The following MFSD1 variants were observed in gnomAD, a reference collection of about 807,000 sequenced individuals.
MFSD1 encodes the protein lysosomal dipeptide transporter MFSD1.
In MFSD1, 59 loss-of-function variants were observed where a neutral mutation model predicts 67.1. The ratio of observed to expected loss-of-function variants is 0.88; its 90% confidence interval spans 0.71 to 1.09. MFSD1 has a LOEUF of 1.09. Among genes scored for constraint, MFSD1 ranks in the 50% least tolerant of loss-of-function variants. The probability of loss-of-function intolerance (pLI) is 0.00; values close to 1 mark genes in which losing one functional copy is unlikely to be tolerated. For synonymous variants in MFSD1, 213 were observed against 200.3 expected, an observed-to-expected ratio of 1.06 and a Z score of -0.54; for missense variants, 552 against 566.1, an observed-to-expected ratio of 0.97 and a Z score of 0.25.
rs546261922 is a variant in MFSD1, at chr3:158,824,305, G to A, written c.1288+69G>A. 1.7e-5 allele frequency: 19 copies of A among 1,118,308 alleles called. 1 individual carries two copies. In the South Asian group the frequency reaches 2.5e-4, roughly 15 times the overall value. 69.3% of individuals were successfully genotyped at this position (1,118,308 alleles called of 1,614,324 possible). A position where few individuals can be genotyped will look rare whatever the true frequency, so the allele number is the denominator to read the frequency against. On this transcript the variant is annotated intron_variant, in intron 13 of 15. Coordinates refer to ENST00000415822, the MANE Select transcript of MFSD1 (RefSeq NM_022736.4). ...ACAGAATGTTCTTATTTTTACTTAG[G>A]CATAGCTCCCAGATTTGCCTAATTC...
At chr3:158,817,173 C>T (rs187030984) in intron 7 of MFSD1, among the ~76,000 whole-genome samples, 2,112 of 152,252 alleles carry the variant, frequency 0.014, 58 homozygotes, top group African/African-American at 0.048. Context: ...GAAGCATTCC[C>T]TTTGAAAACT....
intron 9 of MFSD1, among the ~76,000 whole-genome samples, chr3:158,821,193 G>A (rs1048222150): frequency 1.1e-4 from 16 of 151,908 alleles, no homozygotes; most frequent in South Asian, 2.1e-4. Context: ...GTGTGTTTGT[G>A]TAAGGGTATG....
At chr3:158,815,810 C>G (rs1056423525) in intron 7 of MFSD1, among the ~76,000 whole-genome samples, 3 of 151,272 alleles carry the variant, frequency 2.0e-5, no homozygotes, top group African/African-American at 7.3e-5. Flanking sequence ...CTCCTCCCCC[C>G]ACCCCACAAC....
chr3:158,823,366 T>C, intron 11 of MFSD1, 62 bp from the exon 12 acceptor site: 1 of 1,158,044 alleles, frequency 8.6e-7, no homozygotes, highest in Non-Finnish European at 1.3e-6. Flanking sequence ...TAATCTGCAT[T>C]AAAGGAAAAT....
chr3:158,813,500 G>A (rs1730147414), intron 6 of MFSD1, among the ~76,000 whole-genome samples: 1 of 152,034 alleles, frequency 6.6e-6, no homozygotes, highest in Non-Finnish European at 1.5e-5. Flanking sequence ...CATGTAATAG[G>A]GGCTCAGTAA....
At chr3:158,826,636 T>G (rs1730978285) in intron 14 of MFSD1, among the ~76,000 whole-genome samples, 1 of 151,472 alleles carries the variant, frequency 6.6e-6, no homozygotes, top group Non-Finnish European at 1.5e-5. Flanking sequence ...TTTCAGGTCA[T>G]TTCCTTTTTT....
chr3:158,826,362 C>G (rs1730964753), intron 14 of MFSD1, among the ~76,000 whole-genome samples: 1 of 151,930 alleles, frequency 6.6e-6, no homozygotes, highest in Admixed American at 6.6e-5. Flanking sequence ...CCTAAAGCCC[C>G]TCTGTGTTAT....
At chr3:158,823,661 C>T (rs1730796807) in intron 12 of MFSD1, 136 bp downstream of exon 12, 1 of 724,904 alleles carries the variant, frequency 1.4e-6, no homozygotes, top group African/African-American at 1.7e-5. Flanking sequence ...CTGGAAAAGT[C>T]AGTAAATCTA....
intron 14 of MFSD1, 65 bp downstream of exon 14, chr3:158,826,127 C>A: frequency 1.4e-6 from 2 of 1,393,550 alleles, no homozygotes; most frequent in South Asian, 1.2e-5. Context: ...GTCTCTGGGT[C>A]TGCCTCTTTG....
chr3:158,811,350 C>A (rs1246506687), intron 6 of MFSD1, among the ~76,000 whole-genome samples: 1 of 152,166 alleles, frequency 6.6e-6, no homozygotes, highest in Non-Finnish European at 1.5e-5. Flanking sequence ...ACATGCCTGC[C>A]ATTCATCCAA....
chr3:158,819,192 A>G (rs934716931), intron 7 of MFSD1, among the ~76,000 whole-genome samples: 1 of 152,236 alleles, frequency 6.6e-6, no homozygotes, highest in Admixed American at 6.5e-5. Flanking sequence ...TTGGGCTGCC[A>G]GAGGGCAGGA....
chr3:158,821,555 G>A (rs1004425747), intron 9 of MFSD1, 42 bp from the exon 10 acceptor site: 3 of 1,331,288 alleles, frequency 2.3e-6, no homozygotes, highest in African/African-American at 2.9e-5. Context: ...AAACAGAGTA[G>A]TTCTCTCTAA....
intron 7 of MFSD1, 48 bp from the exon 8 acceptor site, chr3:158,819,601 G>A: frequency 9.2e-7 from 1 of 1,087,806 alleles, no homozygotes; most frequent in Non-Finnish European, 1.3e-6. Context: ...CCTTCTGTTT[G>A]GTTCTCTTTT....
intron 4 of MFSD1, 68 bp from the exon 5 acceptor site, chr3:158,807,328 C>A: frequency 1.6e-6 from 2 of 1,230,338 alleles, no homozygotes; most frequent in South Asian, 1.3e-5. Context: ...TTATCATGTT[C>A]CTTTTGCTTC....
chr3:158,823,593 T>C, intron 12 of MFSD1, 68 bp downstream of exon 12: 1 of 1,158,172 alleles, frequency 8.6e-7, no homozygotes, highest in East Asian at 2.3e-5. Flanking sequence ...CATATAAAAC[T>C]CCAGATCTGA....
intron 7 of MFSD1, among the ~76,000 whole-genome samples, chr3:158,819,331 A>G (rs1730547007): frequency 6.6e-6 from 1 of 152,252 alleles, no homozygotes; most frequent in Admixed American, 6.5e-5. Context: ...TGAGGACTAC[A>G]TCAGTAGCTG....
intron 12 of MFSD1, among the ~76,000 whole-genome samples, chr3:158,823,823 G>T (rs1278708729): frequency 2.0e-5 from 3 of 152,180 alleles, no homozygotes; most frequent in Non-Finnish European, 4.4e-5. Context: ...GCACAGAAAG[G>T]CAGAGGGGGG....
intron 14 of MFSD1, among the ~76,000 whole-genome samples, chr3:158,826,777 C>A (rs1329234574): frequency 6.6e-6 from 1 of 151,848 alleles, no homozygotes; most frequent in East Asian, 1.9e-4. Flanking sequence ...AAGTGATCCT[C>A]CCACTTTAGC....
At chr3:158,817,725 T>C (rs891865555) in intron 7 of MFSD1, among the ~76,000 whole-genome samples, 2 of 152,130 alleles carry the variant, frequency 1.3e-5, no homozygotes, top group African/African-American at 4.8e-5. Flanking sequence ...CCAATGACTT[T>C]CTTCACAGAA....
Sources: gnomAD v4.1 joint callset for allele counts (sites outside exome capture counted in the v4.1 genomes callset) on GRCh38, gnomAD v4.1.1 for gene constraint, MANE v1.5 for transcripts, NCBI Gene and HGNC (gene_info 2026-07-23, HGNC 2026-07-21) for gene names.